The following RTCB variants were observed in gnomAD, a reference collection of about 807,000 sequenced individuals.
RTCB encodes the protein RNA-splicing ligase RTCB.
In RTCB, 32 loss-of-function variants were observed where a neutral mutation model predicts 58.2. That is an observed-to-expected ratio of 0.55 (90% CI 0.41 to 0.74). RTCB has a LOEUF of 0.74. RTCB is among the 30% of genes least tolerant of loss of function. The pLI is 0.00. For missense variants in RTCB, 523 were observed against 639.0 expected, an observed-to-expected ratio of 0.82 and a Z score of 1.96; for synonymous variants, 247 against 218.6, an observed-to-expected ratio of 1.13 and a Z score of -1.15.
At chr22:32,402,489 G>A (rs561671493) in intron 4 of RTCB, among the ~76,000 whole-genome samples, 22 of 152,230 alleles carry the variant, frequency 1.4e-4, no homozygotes, top group South Asian at 1.0e-3. Context: ...TCACTCTGTC[G>A]CCCAGGCTGG....
chr22:32,393,697 C>T (rs572047382), intron 10 of RTCB, among the ~76,000 whole-genome samples, 195 bp downstream of exon 10: 2 of 152,308 alleles, frequency 1.3e-5, no homozygotes, highest in South Asian at 4.1e-4. Context: ...CCAGATCTCA[C>T]TGAGGCAGAG....
chr22:32,396,421 A>G (rs1933247890), intron 7 of RTCB, among the ~76,000 whole-genome samples, 172 bp from the exon 8 acceptor site: 1 of 152,252 alleles, frequency 6.6e-6, no homozygotes, highest in African/African-American at 2.4e-5. Context: ...GTCAAGACGT[A>G]CTTGAGAATC....
intron 1 of RTCB, 30 bp downstream of exon 1, chr22:32,412,033 GA>G: frequency 6.4e-7 from 1 of 1,559,432 alleles, no homozygotes; most frequent in Non-Finnish European, 8.7e-7. Flanking sequence ...ACGGAGCACG[GA>G]AGGCCCCGCC....
intron 10 of RTCB, among the ~76,000 whole-genome samples, chr22:32,392,906 C>T (rs1471927136): frequency 7.2e-5 from 11 of 152,184 alleles, no homozygotes; most frequent in Admixed American, 5.9e-4. Context: ...GGTGTATGGG[C>T]CAAATATGGC....
At chr22:32,390,634 G>C (rs1393234104) in intron 11 of RTCB, among the ~76,000 whole-genome samples, 1 of 152,022 alleles carries the variant, frequency 6.6e-6, no homozygotes, top group East Asian at 1.9e-4. Flanking sequence ...ATTTTTAGTA[G>C]AGATGGGGTT....
At chr22:32,392,465 T>C in intron 10 of RTCB, 106 bp from the exon 11 acceptor site, 1 of 1,415,206 alleles carries the variant, frequency 7.1e-7, no homozygotes, top group Non-Finnish European at 9.8e-7. Context: ...TCTTTTTTAC[T>C]TTATCGAATT....
chr22:32,408,070 G>A (rs980890400), intron 3 of RTCB, 105 bp downstream of exon 3: 46 of 1,044,368 alleles, frequency 4.4e-5, no homozygotes, highest in Non-Finnish European at 6.3e-5. Context: ...ATGTCTGGCT[G>A]TCCAAAGGTC....
At chr22:32,398,908 T>A (rs1004797099) in intron 6 of RTCB, among the ~76,000 whole-genome samples, 1 of 152,190 alleles carries the variant, frequency 6.6e-6, no homozygotes. Flanking sequence ...GTTTTAACCA[T>A]CCCAGTTTTC....
At chr22:32,390,585 G>C (rs1241523069) in intron 11 of RTCB, among the ~76,000 whole-genome samples, 1 of 151,978 alleles carries the variant, frequency 6.6e-6, no homozygotes, top group Non-Finnish European at 1.5e-5. Flanking sequence ...AGTAGCTAGA[G>C]CTACAGGCGC....
chr22:32,411,305 CT>C (rs1032149710), intron 1 of RTCB, among the ~76,000 whole-genome samples: 83 of 152,226 alleles, frequency 5.5e-4, no homozygotes, highest in African/African-American at 1.9e-3. Context: ...TAAACGTTTT[CT>C]TTTTTCACAT....
At chr22:32,394,369 C>T (rs965302048) in intron 9 of RTCB, among the ~76,000 whole-genome samples, 21 of 151,964 alleles carry the variant, frequency 1.4e-4, no homozygotes, top group African/African-American at 4.8e-4. Context: ...CCTTGGCCTC[C>T]GAAAGTGCTG....
At chr22:32,407,148 T>G (rs1425154358) in intron 3 of RTCB, among the ~76,000 whole-genome samples, 1 of 152,208 alleles carries the variant, frequency 6.6e-6, no homozygotes, top group Non-Finnish European at 1.5e-5. Context: ...GGTCATTAGT[T>G]TAAGTAATCA....
At position 32,395,105 on chromosome 22, in the gene RTCB, T is replaced by C. The variant is rs770698992; in HGVS notation, c.1100A>G (p.Glu367Gly). 3.1e-6 allele frequency: 5 copies of C among 1,614,040 alleles called. No individual in the cohort carries two copies. The highest frequency in any genetic ancestry group is 1.7e-5 in the Admixed American group (1 of 60,002). The change falls in exon 9 of 12, where the codon GAA (glutamate) becomes GGA (glycine). Residue 367 changes from glutamate (E) to glycine (G), a missense_variant. Glu to Gly is a moderately conservative substitution (Grantham distance 98, BLOSUM62 -2). Transcript: ENST00000216038. ...KVEQHVVDGK[E>G]RTLLVHRKGS... The stretch of plus-strand genomic sequence containing the variant: ...CTTCCTGTGTACTAACAGTGTCCGT[T>C]CCTTTCCGTCCACCACATGCTGCTC...
At chr22:32,399,544 C>T in intron 6 of RTCB, 59 bp downstream of exon 6, 1 of 1,479,394 alleles carries the variant, frequency 6.8e-7, no homozygotes, top group Non-Finnish European at 9.2e-7. Flanking sequence ...ATTTTTTTCC[C>T]CCAATAAAAA....
In RTCB at chr22:32,408,620, T is replaced by G. The variant is rs185112611; in HGVS notation, c.172+135A>C. The G allele has an allele frequency of 3.0e-5, 20 of 675,928 alleles. No individual in the cohort carries two copies. The East Asian group carries it at 4.9e-4, about 16-fold the overall frequency. The allele number at this position is 675,928 out of a possible 1,614,324, so 41.9% of individuals were successfully genotyped here. On this transcript the variant is annotated intron_variant, in intron 2 of 11. Transcript: ENST00000216038. ...GACAATGTGATCACAAATAAGTAAGTGCTTTTGGTCTTACTTTTAAGTTGT... is the reference window on the plus strand; with the variant it reads ...GACAATGTGATCACAAATAAGTAAGGGCTTTTGGTCTTACTTTTAAGTTGT...
intron 5 of RTCB, chr22:32,401,427 A>G: frequency 5.3e-6 from 1 of 187,744 alleles, no homozygotes; most frequent in East Asian, 1.3e-4. Context: ...TCTTTCTTGT[A>G]AGTTAGGGAA....
chr22:32,397,723 T>G (rs1251662885), intron 7 of RTCB, among the ~76,000 whole-genome samples: 1 of 152,228 alleles, frequency 6.6e-6, no homozygotes, highest in Non-Finnish European at 1.5e-5. Context: ...ATTAAGTGCT[T>G]TACATATATT....
At chr22:32,394,114 CT>C (rs11396073) in intron 9 of RTCB, 112 bp from the exon 10 acceptor site, 55,923 of 496,922 alleles carry the variant, frequency 0.11, 403 homozygotes, top group South Asian at 0.15. Flanking sequence ...ACCCAGACTT[CT>C]TTTTTTTTTT....
In RTCB at chr22:32,397,980, G is replaced by A. The variant is rs1191857547; in HGVS notation, c.775C>T (p.His259Tyr). The A allele has an allele frequency of 3.1e-6, 5 of 1,613,884 alleles. No homozygotes were observed. Among genetic ancestry groups the A allele is most frequent in the Non-Finnish European group, 4.2e-6 (5 of 1,179,972 alleles). Residue 259 changes from histidine to tyrosine, a missense_variant, in exon 7 of 12, where the codon CAC (histidine) becomes TAC (tyrosine). Physicochemically the swap from His to Tyr is moderately conservative, Grantham distance 83 (BLOSUM62 2). Transcript: ENST00000216038. ...DHKGQVCVMIHSGSRGLGHQV... is the reference protein window; with the variant it reads ...DHKGQVCVMIYSGSRGLGHQV... Reference sequence around the variant, plus strand: ...TGGCCCAAGCCTCTGCTTCCACTGTGGATCATCACACACACCTGTCCCTTA... The same window carrying A: ...TGGCCCAAGCCTCTGCTTCCACTGTAGATCATCACACACACCTGTCCCTTA...
Sources: allele counts gnomAD v4.1 joint callset (sites outside exome capture counted in the v4.1 genomes callset), GRCh38; gene constraint gnomAD v4.1.1; transcripts MANE v1.5; gene names NCBI Gene and HGNC (gene_info 2026-07-23, HGNC 2026-07-21).